BPIFB4: variants seen among roughly 807,000 people sequenced by gnomAD.
BPIFB4 encodes the protein BPI fold containing family B member 4, also known as BPI fold-containing family B member 4.
Under a neutral mutation model 69.2 loss-of-function variants are expected in BPIFB4, and 62 were observed. The observed-to-expected ratio is 0.90, with a 90% CI of 0.73 to 1.11. The LOEUF (loss-of-function observed/expected upper bound fraction) is 1.11. Ranked by LOEUF, BPIFB4 falls within the 50% of genes least tolerant of loss-of-function variation. The pLI, the probability that BPIFB4 is intolerant of heterozygous loss-of-function variation, is 0.00. For missense variants in BPIFB4, 789 were observed against 792.0 expected (o/e 1.00, Z 0.04); for synonymous variants, 330 against 332.7 (o/e 0.99, Z 0.09).
rs1981882882 is a variant in BPIFB4 at position 33,100,597 on chromosome 20, T to C, written c.1637+104T>C. 5.5e-6 allele frequency: 6 copies of C among 1,096,862 alleles called. No homozygotes were observed. The Admixed American group carries it at 6.2e-5, about 11-fold the overall frequency. 67.9% of individuals were successfully genotyped at this position (1,096,862 alleles called of 1,614,324 possible). On this transcript the variant is annotated intron_variant, in intron 14 of 17. Transcript: ENST00000375483. ...CTCCTGTGTGGCCATCAGGGCTGGG[T>C]AAACCCAAGGGGCTGCAAAGGTGAC...
chr20:33,089,737 C>CCT (rs397959797), intron 9 of BPIFB4, among the ~76,000 whole-genome samples, 179 bp downstream of exon 9: 1 of 151,142 alleles, frequency 6.6e-6, no homozygotes, highest in Non-Finnish European at 1.5e-5. Context: ...ACACCCCCCC[C>CCT]GAGTACCAGA....
At chr20:33,106,398 A>G in intron 16 of BPIFB4, among the ~76,000 whole-genome samples, 1 of 122,290 alleles carries the variant, frequency 8.2e-6, no homozygotes, top group Non-Finnish European at 1.7e-5. Flanking sequence ...TTTGAGATGG[A>G]GTCTCACTCT....
At chr20:33,084,073 C>A (rs1205713002) in intron 5 of BPIFB4, among the ~76,000 whole-genome samples, 199 bp downstream of exon 5, 6 of 152,032 alleles carry the variant, frequency 3.9e-5, no homozygotes, top group African/African-American at 1.5e-4. Flanking sequence ...AGTTTGAGAC[C>A]CAGTTCAGCT....
intron 15 of BPIFB4, 43 bp downstream of exon 15, chr20:33,103,057 G>A: frequency 6.3e-7 from 1 of 1,592,316 alleles, no homozygotes; most frequent in East Asian, 2.2e-5. Context: ...CTTCTGGGAA[G>A]GAGCCCAGGA....
At chr20:33,103,114 G>A in intron 15 of BPIFB4, 100 bp downstream of exon 15, 2 of 1,382,140 alleles carry the variant, frequency 1.4e-6, no homozygotes, top group Non-Finnish European at 2.1e-6. Context: ...TGGGCATGGG[G>A]AGTTTGTGAA....
At chr20:33,108,989 C>T (rs1157573162) in intron 17 of BPIFB4, among the ~76,000 whole-genome samples, 9 of 152,132 alleles carry the variant, frequency 5.9e-5, no homozygotes, top group African/African-American at 1.9e-4. Context: ...GGAACAGCCC[C>T]CTTCCCACAT....
In BPIFB4 at chr20:33,100,431, A is replaced by G. The variant is rs377326947; in HGVS notation, c.1575A>G (p.Thr525=). The G allele has an allele frequency of 1.3e-5, 21 of 1,597,414 alleles. No homozygotes were observed. In the African/African-American group the frequency reaches 2.7e-4, roughly 20 times the overall value. ...ETTICLIDVD[T]EFLASFSTEG... ...CTCCTTTCCTTTCCCTCCAGGACAC[A>G]GAATTCTTGGCCTCATTTTCCACAG... Residue 525 remains threonine (T), a synonymous_variant, in exon 14 of 18, where the codon ACA becomes ACG. Transcript: ENST00000375483.
chr20:33,093,784 C>T (rs1017810885), intron 11 of BPIFB4, among the ~76,000 whole-genome samples: 3 of 151,984 alleles, frequency 2.0e-5, no homozygotes, highest in African/African-American at 7.2e-5. Flanking sequence ...TCTATCCATC[C>T]ACCCACCCAT....
intron 6 of BPIFB4, among the ~76,000 whole-genome samples, chr20:33,085,261 C>T (rs1981390129): frequency 6.6e-6 from 1 of 152,118 alleles, no homozygotes; most frequent in Non-Finnish European, 1.5e-5. Flanking sequence ...TCGAGACCAG[C>T]CTGGCCAACA....
At chr20:33,079,734 C>G (rs1264363374) in intron 1 of BPIFB4, 31 bp downstream of exon 1, 1 of 152,234 alleles carries the variant, frequency 6.6e-6, no homozygotes, top group Non-Finnish European at 1.5e-5. Context: ...TACTCAGTGT[C>G]CGGCAGGGGA....
chr20:33,085,912 G>T, intron 6 of BPIFB4, 109 bp from the exon 7 acceptor site: 4 of 1,358,632 alleles, frequency 2.9e-6, no homozygotes, highest in South Asian at 1.3e-5. Context: ...TTAGAGATGA[G>T]CAAGGAGCGT....
intron 17 of BPIFB4, among the ~76,000 whole-genome samples, chr20:33,110,575 T>C (rs778673125): frequency 5.9e-5 from 9 of 152,230 alleles, no homozygotes; most frequent in African/African-American, 9.6e-5. Context: ...CCATTCAGTG[T>C]TCACGGTTTT....
At chr20:33,082,364 G>A (rs185161031) in intron 3 of BPIFB4, among the ~76,000 whole-genome samples, 15 of 151,934 alleles carry the variant, frequency 9.9e-5, no homozygotes, top group Admixed American at 2.6e-4. Flanking sequence ...ACGGAGTTTC[G>A]CTCTTGTTGC....
intron 9 of BPIFB4, 44 bp from the exon 10 acceptor site, chr20:33,090,664 G>A (rs773143304): frequency 1.9e-6 from 3 of 1,609,608 alleles, no homozygotes; most frequent in African/African-American, 2.7e-5. Context: ...GAAGGCATCT[G>A]GATGGTGAGG....
rs950264078 is a variant in BPIFB4, at chr20:33,086,244, C to G, written c.926+80C>G. The stretch of plus-strand genomic sequence containing the variant: ...TGGCAAACAACATGACGTCACCCAC[C>G]TGCCCATAGGCTCTGGGGTGGGCAG... On this transcript the variant is annotated intron_variant, in intron 7 of 17. Transcript: ENST00000375483. The G allele has an allele frequency of 3.1e-5, 47 of 1,527,002 alleles. No homozygotes were observed. In the South Asian group the frequency reaches 5.1e-4, roughly 17 times the overall value. 94.6% of individuals were successfully genotyped at this position (1,527,002 alleles called of 1,614,324 possible).
In BPIFB4 at chr20:33,111,532, C is replaced by G; in HGVS notation, c.*95C>G. On this transcript the variant is annotated 3_prime_UTR_variant, in exon 18 of 18. Coordinates refer to ENST00000375483, the MANE Select transcript of BPIFB4 (RefSeq NM_182519.3). ...AACAGTCCCCTGCCCAGAGTCCCCT[C>G]AGCCTCCATGACAGGTCCCTCCCTG... 1.3e-6 allele frequency: 2 copies of G among 1,502,852 alleles called. No homozygotes were observed. The highest frequency in any genetic ancestry group is 1.2e-5 in the South Asian group (1 of 86,002). The allele number at this position is 1,502,852 out of a possible 1,614,324, so 93.1% of individuals were successfully genotyped here. A position where few individuals can be genotyped will look rare whatever the true frequency, so the allele number is the denominator to read the frequency against.
intron 5 of BPIFB4, 66 bp from the exon 6 acceptor site, chr20:33,084,826 G>T: frequency 6.4e-7 from 1 of 1,554,004 alleles, no homozygotes; most frequent in East Asian, 2.4e-5. Flanking sequence ...GTGTAGGGGA[G>T]GGCGCTCGGG....
chr20:33,086,988 C>T (rs1981449703), intron 7 of BPIFB4, among the ~76,000 whole-genome samples: 1 of 152,124 alleles, frequency 6.6e-6, no homozygotes, highest in African/African-American at 2.4e-5. Flanking sequence ...CCCAGTCCCC[C>T]CAGCCCTTGA....
intron 9 of BPIFB4, among the ~76,000 whole-genome samples, chr20:33,090,358 A>G (rs1341531891): frequency 6.6e-6 from 1 of 152,222 alleles, no homozygotes; most frequent in East Asian, 1.9e-4. Flanking sequence ...TAAGCACCAC[A>G]TTGTGGAACC....
Sources: allele counts gnomAD v4.1 joint callset (sites outside exome capture counted in the v4.1 genomes callset), GRCh38; gene constraint gnomAD v4.1.1; transcripts MANE v1.5; gene names NCBI Gene and HGNC (gene_info 2026-07-23, HGNC 2026-07-21).